The following DNM3 variants were observed in gnomAD, a reference collection of about 807,000 sequenced individuals.
The protein encoded by DNM3 is dynamin-3.
Under a neutral mutation model 101.6 loss-of-function variants are expected in DNM3, and 47 were observed. That is an observed-to-expected ratio of 0.46 (90% confidence interval 0.37 to 0.59). DNM3 has a LOEUF of 0.59. DNM3 is among the 20% of genes least tolerant of loss of function. The pLI, the probability that DNM3 is intolerant of heterozygous loss-of-function variation, is 0.00. For synonymous variants in DNM3, 385 were observed against 387.9 expected, an observed-to-expected ratio of 0.99 and a Z score of 0.09; for missense variants, 849 against 1,085.7, an observed-to-expected ratio of 0.78 and a Z score of 3.06.
chr1:171,910,703 G>A (rs187733091), intron 1 of DNM3, among the ~76,000 whole-genome samples: 48 of 152,296 alleles, frequency 3.2e-4, no homozygotes, highest in African/African-American at 1.1e-3. Flanking sequence ...GACAATGATA[G>A]TAATGATGAT....
chr1:171,889,587 G>T (rs1379306706), intron 1 of DNM3, among the ~76,000 whole-genome samples: 2 of 152,140 alleles, frequency 1.3e-5, no homozygotes, highest in East Asian at 1.9e-4. Flanking sequence ...TTGACAGAAA[G>T]AATTTGCATG....
chr1:172,164,587 C>T (rs1354133298), intron 14 of DNM3, among the ~76,000 whole-genome samples: 1 of 151,916 alleles, frequency 6.6e-6, no homozygotes, highest in Non-Finnish European at 1.5e-5. Flanking sequence ...CCTTTACTAT[C>T]CCAATGTTCA....
intron 4 of DNM3, among the ~76,000 whole-genome samples, chr1:172,004,009 C>T (rs914785690): frequency 6.6e-6 from 1 of 151,942 alleles, no homozygotes; most frequent in African/African-American, 2.4e-5. Context: ...GAGGCAAATA[C>T]TTGGGTTGCT....
At chr1:172,068,941 G>T (rs944356659) in intron 11 of DNM3, 36 bp downstream of exon 11, 24 of 1,540,628 alleles carry the variant, frequency 1.6e-5, no homozygotes, top group Non-Finnish European at 2.0e-5. Flanking sequence ...CAGGGAGATT[G>T]TGGGAGGTCG....
intron 2 of DNM3, among the ~76,000 whole-genome samples, chr1:171,962,956 G>A (rs1253146082): frequency 6.6e-6 from 1 of 152,154 alleles, no homozygotes; most frequent in Non-Finnish European, 1.5e-5. Flanking sequence ...AAACAGTACA[G>A]CCACTTTGGA....
intron 15 of DNM3, among the ~76,000 whole-genome samples, chr1:172,265,726 C>T (rs2062833823): frequency 6.6e-6 from 1 of 152,130 alleles, no homozygotes; most frequent in South Asian, 2.1e-4. Context: ...CCTCACTGTG[C>T]TTCTCTCGGC....
Position 172,113,726 on chromosome 1 carries a change from G to A in DNM3, c.1546-17449G>A, listed in dbSNP as rs566427038. On this transcript the variant is annotated intron_variant, in intron 13 of 20. Coordinates refer to ENST00000627582, the MANE Select transcript of DNM3 (RefSeq NM_015569.5). ...ATTGGTCTTGACAAAAGTGCCCAAAGCGTTTACACAAAATTTTACAGCACA... is the reference window on the plus strand; with the variant it reads ...ATTGGTCTTGACAAAAGTGCCCAAAACGTTTACACAAAATTTTACAGCACA... Among the ~76,000 whole-genome samples, 10 of 150,812 alleles carry A rather than the reference G, an allele frequency of 6.6e-5. No individual in the cohort carries two copies. In the East Asian group the frequency reaches 1.9e-3, roughly 29 times the overall value.
At chr1:172,090,586 A>T (rs1203608835) in intron 12 of DNM3, among the ~76,000 whole-genome samples, 1 of 152,226 alleles carries the variant, frequency 6.6e-6, no homozygotes, top group African/African-American at 2.4e-5. Context: ...CAAGGAAGGA[A>T]GAAGTTGAAA....
chr1:172,418,222 C>T lies in DNM3; in HGVS notation c.2541-59C>T. The T allele has an allele frequency of 6.5e-6, 8 of 1,221,624 alleles. No homozygotes were observed. The South Asian group carries it at 1.1e-4, about 16-fold the overall frequency. 75.7% of individuals were successfully genotyped at this position (1,221,624 alleles called of 1,614,324 possible). A position where few individuals can be genotyped will look rare whatever the true frequency, so the allele number is the denominator to read the frequency against. Reference sequence around the variant, plus strand: ...TTTATAATTTAAACATTGTTTTCTTCCTCTGCATCTGTGTCTTTCTTTTTG... The same window carrying T: ...TTTATAATTTAAACATTGTTTTCTTTCTCTGCATCTGTGTCTTTCTTTTTG... On this transcript the variant is annotated intron_variant, in intron 20 of 20. Transcript: ENST00000485254.
intron 15 of DNM3, 48 bp downstream of exon 15, chr1:172,253,730 T>C: frequency 1.6e-6 from 2 of 1,284,414 alleles, no homozygotes; most frequent in Non-Finnish European, 2.2e-6. Flanking sequence ...TCCTTGAAGT[T>C]CTACATGATT....
At chr1:172,154,931 T>C (rs1009978531) in intron 14 of DNM3, among the ~76,000 whole-genome samples, 1 of 152,114 alleles carries the variant, frequency 6.6e-6, no homozygotes, top group African/African-American at 2.4e-5. Context: ...GAGAGGAGAA[T>C]TTTATCCTAA....
chr1:172,329,847 T>C (rs9425559), intron 17 of DNM3, among the ~76,000 whole-genome samples: 87,447 of 152,054 alleles, frequency 0.58, 26,714 homozygotes, highest in African/African-American at 0.79. Context: ...GAAGCCCTCC[T>C]AGCCCCTGCA....
intron 4 of DNM3, among the ~76,000 whole-genome samples, chr1:172,012,498 T>C (rs1051818043): frequency 6.6e-6 from 1 of 152,028 alleles, no homozygotes; most frequent in African/African-American, 2.4e-5. Context: ...AGCAGAAAGA[T>C]TTAAGTGTAT....
At position 172,237,585 on chromosome 1, in the gene DNM3, G is replaced by A. The variant is rs550652052; in HGVS notation, c.1660-15988G>A. Among the ~76,000 whole-genome samples, 188 of 152,148 alleles carry A rather than the reference G, an allele frequency of 1.2e-3. 1 individual carries two copies. Among genetic ancestry groups the A allele is most frequent in the Non-Finnish European group, 2.2e-3 (147 of 67,990 alleles). On this transcript the variant is annotated intron_variant, in intron 14 of 20. Coordinates refer to ENST00000627582, the MANE Select transcript of DNM3 (RefSeq NM_015569.5). Reference sequence around the variant, plus strand: ...CTAAATCAATATCTCTAAAACTTGGGTAATGTACAAATATCTTTTAAAGGA... The same window carrying A: ...CTAAATCAATATCTCTAAAACTTGGATAATGTACAAATATCTTTTAAAGGA...
rs1311323668 is a variant in DNM3 at position 172,148,068 on chromosome 1, T to G, written c.1659+16780T>G. Among the ~76,000 whole-genome samples, 75 of 152,064 alleles carry G rather than the reference T, an allele frequency of 4.9e-4. 1 individual carries two copies. Among genetic ancestry groups the G allele is most frequent in the Non-Finnish European group, 7.4e-5 (5 of 67,972 alleles). ...CATCAGAGTCCACAAATGGAAAAACTCAGTTTTTTTCTGTGCTCAGAAGGA... is the reference window on the plus strand; with the variant it reads ...CATCAGAGTCCACAAATGGAAAAACGCAGTTTTTTTCTGTGCTCAGAAGGA... On this transcript the variant is annotated intron_variant, in intron 14 of 20. Transcript: ENST00000627582.
chr1:172,341,502 T>G (rs1202731078), intron 17 of DNM3, among the ~76,000 whole-genome samples: 1 of 152,126 alleles, frequency 6.6e-6, no homozygotes, highest in East Asian at 1.9e-4. Context: ...AGGGCTACAG[T>G]CATCAAAACG....
downstream of DNM3, among the ~76,000 whole-genome samples, chr1:172,417,121 G>A (rs145888259): frequency 0.016 from 2,422 of 152,044 alleles, 30 homozygotes; most frequent in Non-Finnish European, 0.025. Context: ...CCACTCACAA[G>A]CAAGAATAAG....
intron 14 of DNM3, among the ~76,000 whole-genome samples, chr1:172,149,767 A>G (rs945360368): frequency 1.3e-5 from 2 of 152,158 alleles, no homozygotes; most frequent in African/African-American, 4.8e-5. Flanking sequence ...ATGAATATGC[A>G]TGATATCCTA....
rs2071060063 is a variant in DNM3, at chr1:172,408,858, A to T, written c.*1017A>T. On this transcript the variant is annotated 3_prime_UTR_variant, in exon 21 of 21. Coordinates refer to ENST00000627582, the MANE Select transcript of DNM3 (RefSeq NM_015569.5). ...TGTATATCCATTCTAGGCTTTCTTAATAAATCTTGAGGCTATGGGATAATC... is the reference window on the plus strand; with the variant it reads ...TGTATATCCATTCTAGGCTTTCTTATTAAATCTTGAGGCTATGGGATAATC... 1 of 985,204 alleles carries T rather than the reference A, an allele frequency of 1.0e-6. No homozygotes were observed. Among genetic ancestry groups the T allele is most frequent in the South Asian group, 4.7e-5 (1 of 21,282 alleles). 61.0% of individuals were successfully genotyped at this position (985,204 alleles called of 1,614,324 possible). A position where few individuals can be genotyped will look rare whatever the true frequency, so the allele number is the denominator to read the frequency against.
Sources: gnomAD v4.1 joint callset for allele counts (sites outside exome capture counted in the v4.1 genomes callset) on GRCh38, gnomAD v4.1.1 for gene constraint, MANE v1.5 for transcripts, NCBI Gene and HGNC (gene_info 2026-07-23, HGNC 2026-07-21) for gene names.